Variants in NKAIN2 observed in about 807,000 individuals in gnomAD.
NKAIN2 encodes sodium/potassium transporting ATPase interacting 2.
In NKAIN2, 14 loss-of-function variants were observed where a neutral mutation model predicts 32.6. The ratio of observed to expected loss-of-function variants is 0.43; its 90% CI spans 0.28 to 0.67. The LOEUF (loss-of-function observed/expected upper bound fraction) is 0.67, where lower values mean the gene tolerates loss of function less well. Among genes scored for constraint, NKAIN2 ranks in the 30% least tolerant of loss-of-function variants. The pLI is 0.17. For synonymous variants in NKAIN2, 80 were observed against 87.2 expected (o/e 0.92, Z 0.46); for missense variants, 198 against 258.3 (o/e 0.77, Z 1.60).
intron 4 of NKAIN2, among the ~76,000 whole-genome samples, chr6:124,725,401 G>T (rs1050801051): frequency 6.6e-6 from 1 of 152,060 alleles, no homozygotes; most frequent in Non-Finnish European, 1.5e-5. Context: ...ATCGCACCCA[G>T]CCCCTTATGC....
chr6:124,750,037 G>A (rs1049446937), intron 4 of NKAIN2, among the ~76,000 whole-genome samples: 12 of 151,666 alleles, frequency 7.9e-5, no homozygotes, highest in East Asian at 5.9e-4. Context: ...ATTTTGATTT[G>A]TATTTGACCT....
intron 1 of NKAIN2, among the ~76,000 whole-genome samples, chr6:123,910,508 T>G (rs959648324): frequency 7.8e-5 from 10 of 128,182 alleles, no homozygotes; most frequent in African/African-American, 1.6e-4. Flanking sequence ...TGTTTTTTTT[T>G]TTTTTTTTTT....
chr6:124,247,446 T>A (rs1369286545), intron 1 of NKAIN2, among the ~76,000 whole-genome samples: 2 of 152,154 alleles, frequency 1.3e-5, no homozygotes, highest in Admixed American at 6.6e-5. Context: ...CTCAACGTCA[T>A]AAACTTGAGA....
At chr6:123,863,629 C>CT (rs151078625) in intron 1 of NKAIN2, among the ~76,000 whole-genome samples, 4,616 of 152,252 alleles carry the variant, frequency 0.03, 188 homozygotes, top group African/African-American at 0.094. Context: ...CCCTCTTGGC[C>CT]TGTGGGCACC....
At chr6:124,086,232 A>G (rs1251591688) in intron 1 of NKAIN2, among the ~76,000 whole-genome samples, 2 of 151,976 alleles carry the variant, frequency 1.3e-5, no homozygotes, top group African/African-American at 2.4e-5. Flanking sequence ...TGAAATGATT[A>G]TGAGGATGAT....
intron 1 of NKAIN2, among the ~76,000 whole-genome samples, chr6:124,231,201 C>T (rs1792439412): frequency 6.6e-6 from 1 of 152,210 alleles, no homozygotes; most frequent in African/African-American, 2.4e-5. Flanking sequence ...CCTGTAGCCC[C>T]TTTGTTTTGA....
intron 2 of NKAIN2, among the ~76,000 whole-genome samples, chr6:124,287,906 T>C (rs536138110): frequency 4.9e-4 from 75 of 152,224 alleles, no homozygotes; most frequent in African/African-American, 1.8e-3. Flanking sequence ...TCAGTGATAT[T>C]GCCAAAAACA....
chr6:124,230,985 G>C lies in NKAIN2; in HGVS notation c.55-52020G>C, dbSNP rs558037925. Among the ~76,000 whole-genome samples the C allele has an allele frequency of 3.9e-5, 6 of 152,274 alleles. No individual in the cohort carries two copies. The South Asian group carries it at 1.0e-3, about 26-fold the overall frequency. ...ACTGGCAGCTTGCGCTCTGCATCTG[G>C]AAAAGACACAGACACTCAATGCCAG... is the stretch of plus-strand genomic sequence containing the variant. On this transcript the variant is annotated intron_variant, in intron 1 of 6. Transcript: ENST00000368417.
intron 1 of NKAIN2, among the ~76,000 whole-genome samples, chr6:123,885,498 A>T (rs188462673): frequency 0.061 from 9,298 of 152,170 alleles, 888 homozygotes; most frequent in African/African-American, 0.2. Context: ...TTCCTTAAAA[A>T]TTTTTATATT....
chr6:123,986,542 G>A (rs550539898), intron 1 of NKAIN2, among the ~76,000 whole-genome samples: 27 of 152,152 alleles, frequency 1.8e-4, no homozygotes, highest in African/African-American at 5.1e-4. Context: ...GGTATGAGCC[G>A]ACTCTGTATC....
At chr6:124,020,268 T>G (rs1169043101) in intron 1 of NKAIN2, among the ~76,000 whole-genome samples, 2 of 152,154 alleles carry the variant, frequency 1.3e-5, no homozygotes, top group Non-Finnish European at 2.9e-5. Context: ...CTGCCAAAAT[T>G]AATGGATATC....
At chr6:123,953,611 C>G (rs1472354781) in intron 1 of NKAIN2, among the ~76,000 whole-genome samples, 1 of 152,098 alleles carries the variant, frequency 6.6e-6, no homozygotes, top group Non-Finnish European at 1.5e-5. Flanking sequence ...GGCCCAACTT[C>G]AGGCCCCTGG....
In NKAIN2 at chr6:124,823,320, T is replaced by C; in HGVS notation, c.*91T>C. ...CATTTCATGAAGAGCAAGAAGCAAC[T>C]GAGTTTAAATACATACACGTATTAA... On this transcript the variant is annotated 3_prime_UTR_variant, in exon 7 of 7. Transcript: ENST00000368417. 1.2e-6 allele frequency: 1 copy of C among 862,564 alleles called. No homozygotes were observed. The highest frequency in any genetic ancestry group is 1.7e-5 in the Admixed American group (1 of 58,652). The allele number at this position is 862,564 out of a possible 1,614,324, so 53.4% of individuals were successfully genotyped here.
At chr6:124,652,618 A>G (rs564731064) in intron 3 of NKAIN2, among the ~76,000 whole-genome samples, 1 of 152,228 alleles carries the variant, frequency 6.6e-6, no homozygotes, top group African/African-American at 2.4e-5. Flanking sequence ...TTTTCTCACA[A>G]TTCTGGAGGC....
At chr6:124,154,302 G>A (rs1394553365) in intron 1 of NKAIN2, among the ~76,000 whole-genome samples, 2 of 151,806 alleles carry the variant, frequency 1.3e-5, no homozygotes, top group Non-Finnish European at 3.0e-5. Context: ...TGTTTCTCAA[G>A]TCATGAGACT....
In NKAIN2 at chr6:124,557,652, T is replaced by G. The variant is rs139854242; in HGVS notation, c.274-100534T>G. On this transcript the variant is annotated intron_variant, in intron 3 of 6. Coordinates refer to ENST00000368417, the MANE Select transcript of NKAIN2 (RefSeq NM_001040214.3). ...TCACAGAATTCTGTTTAATCTGAGT[T>G]TTTATTATTTACTTTGCTTCTCCTT... 5.8e-4 allele frequency among the ~76,000 whole-genome samples: 89 copies of G among 152,300 alleles called. 1 individual carries two copies. Among genetic ancestry groups the G allele is most frequent in the African/African-American group, 2.1e-3 (87 of 41,582 alleles).
intron 1 of NKAIN2, among the ~76,000 whole-genome samples, chr6:123,963,107 C>G (rs578186124): frequency 6.6e-6 from 1 of 152,106 alleles, no homozygotes; most frequent in Non-Finnish European, 1.5e-5. Context: ...GTGGAAACCT[C>G]GAAACTCATA....
chr6:124,320,390 A>G (rs1422678665), intron 2 of NKAIN2, among the ~76,000 whole-genome samples: 2 of 152,204 alleles, frequency 1.3e-5, no homozygotes, highest in Non-Finnish European at 2.9e-5. Context: ...TATCTTTAAA[A>G]TAAGAGATAA....
intron 4 of NKAIN2, among the ~76,000 whole-genome samples, chr6:124,748,514 G>T (rs1048913705): frequency 6.6e-6 from 1 of 151,908 alleles, no homozygotes; most frequent in Non-Finnish European, 1.5e-5. Context: ...GTCCCAAAGA[G>T]CTTCTTTGTT....
Sources: allele counts gnomAD v4.1 joint callset (sites outside exome capture counted in the v4.1 genomes callset), GRCh38; gene constraint gnomAD v4.1.1; transcripts MANE v1.5; gene names NCBI Gene and HGNC (gene_info 2026-07-23, HGNC 2026-07-21).